Variants in ADAMTSL1 observed in about 807,000 individuals in gnomAD.
ADAMTSL1 encodes the protein ADAMTS-like protein 1.
In ADAMTSL1, 126 loss-of-function variants were observed where a neutral mutation model predicts 201.8. The ratio of observed to expected loss-of-function variants is 0.62; its 90% CI spans 0.54 to 0.72. The LOEUF is 0.72. ADAMTSL1 is among the 30% of genes least tolerant of loss of function. The pLI, the probability that ADAMTSL1 is intolerant of heterozygous loss-of-function variation, is 0.00. For synonymous variants in ADAMTSL1, 1,121 were observed against 903.4 expected (o/e 1.24, Z -4.32); for missense variants, 2,679 against 2,277.8 (o/e 1.18, Z -3.59).
chr9:18,248,752 A>G (rs1008532465), intron 2 of ADAMTSL1, among the ~76,000 whole-genome samples: 1 of 152,176 alleles, frequency 6.6e-6, no homozygotes, highest in African/African-American at 2.4e-5. Context: ...TTGTCACTAC[A>G]AAGAGATTCC....
chr9:18,263,320 C>T (rs1349613553), intron 2 of ADAMTSL1, among the ~76,000 whole-genome samples: 2 of 152,166 alleles, frequency 1.3e-5, no homozygotes, highest in Non-Finnish European at 2.9e-5. Context: ...GTCATCGTCT[C>T]CTAGAATTTT....
chr9:18,652,797 AACCAATTCCTT>A (rs1828379810), intron 7 of ADAMTSL1, among the ~76,000 whole-genome samples: 1 of 152,164 alleles, frequency 6.6e-6, no homozygotes, highest in Non-Finnish European at 1.5e-5. Flanking sequence ...GAGCATCTGT[AACCAATTCCTT>A]TATCCGCTGG....
At chr9:18,890,872 T>G (rs559847751) in intron 25 of ADAMTSL1, 1 of 287,802 alleles carries the variant, frequency 3.5e-6, no homozygotes, top group East Asian at 9.8e-5. Flanking sequence ...ATCTTTGATG[T>G]GCCAGGAACT....
chr9:17,923,397 G>T (rs1358914676), intron 1 of ADAMTSL1, among the ~76,000 whole-genome samples: 1 of 142,044 alleles, frequency 7.0e-6, no homozygotes, highest in African/African-American at 2.6e-5. Flanking sequence ...TATTCTCTTT[G>T]AAGCAATTGT....
intron 2 of ADAMTSL1, among the ~76,000 whole-genome samples, chr9:18,427,362 G>T (rs1213725940): frequency 6.6e-6 from 1 of 152,122 alleles, no homozygotes; most frequent in African/African-American, 2.4e-5. Context: ...CTGTATTTTT[G>T]AATGAAAGCC....
chr9:18,529,888 AT>A (rs1281018136), intron 2 of ADAMTSL1, among the ~76,000 whole-genome samples: 1 of 152,208 alleles, frequency 6.6e-6, no homozygotes, highest in Non-Finnish European at 1.5e-5. Flanking sequence ...TTCTTTGGAA[AT>A]TATGACAAGT....
intron 2 of ADAMTSL1, among the ~76,000 whole-genome samples, chr9:18,513,873 A>G (rs12002347): frequency 0.11 from 16,752 of 152,216 alleles, 1,025 homozygotes; most frequent in Middle Eastern, 0.15. Flanking sequence ...TTACACCAGT[A>G]CCATACTATT....
At chr9:18,433,387 G>T (rs550357051) in intron 2 of ADAMTSL1, among the ~76,000 whole-genome samples, 1 of 152,186 alleles carries the variant, frequency 6.6e-6, no homozygotes, top group East Asian at 1.9e-4. Context: ...CTCAGGCCTA[G>T]ATTGGATAAT....
chr9:17,990,540 G>A (rs111457568), intron 1 of ADAMTSL1, among the ~76,000 whole-genome samples: 2,893 of 151,822 alleles, frequency 0.019, 110 homozygotes, highest in African/African-American at 0.066. Context: ...TTTATGTATC[G>A]AAATATAAGT....
chr9:17,932,499 T>G (rs1826836321), intron 1 of ADAMTSL1, among the ~76,000 whole-genome samples: 1 of 152,180 alleles, frequency 6.6e-6, no homozygotes, highest in Admixed American at 6.5e-5. Context: ...AAAGTCTTAG[T>G]GGTAAACTCA....
intron 1 of ADAMTSL1, among the ~76,000 whole-genome samples, chr9:18,046,297 G>A (rs1024315128): frequency 2.6e-5 from 4 of 152,142 alleles, no homozygotes; most frequent in African/African-American, 7.2e-5. Flanking sequence ...TTTACCACAG[G>A]CCTTTTCTAG....
At position 17,925,824 on chromosome 9, in the gene ADAMTSL1, G is replaced by A. The variant is rs564934247; in HGVS notation, c.87+18902G>A. Among the ~76,000 whole-genome samples, 13 of 144,016 alleles carry A rather than the reference G, an allele frequency of 9.0e-5. No homozygotes were observed. The South Asian group carries it at 2.6e-3, about 29-fold the overall frequency. The allele number at this position is 144,016 out of a possible 152,430, so 94.5% of individuals were successfully genotyped here. ...TACGTATGTAACTAACCTGCACAAT[G>A]TGCACATGTACCCTAAAACTTAAAG... On this transcript the variant is annotated intron_variant, in intron 1 of 29. Transcript: ENST00000680146.
intron 1 of ADAMTSL1, among the ~76,000 whole-genome samples, chr9:18,047,086 TA>T (rs1412988028): frequency 1.3e-5 from 2 of 151,578 alleles, no homozygotes; most frequent in Non-Finnish European, 2.9e-5. Context: ...AGGGTGAAAA[TA>T]AAAATAAAAG....
At chr9:18,837,406 T>TTA (rs1333747143) in intron 23 of ADAMTSL1, among the ~76,000 whole-genome samples, 1 of 152,254 alleles carries the variant, frequency 6.6e-6, no homozygotes, top group Non-Finnish European at 1.5e-5. Context: ...TCAATTGTTC[T>TTA]TATATACGTG....
At chr9:18,693,397 A>G (rs1831355360) in intron 13 of ADAMTSL1, among the ~76,000 whole-genome samples, 1 of 152,260 alleles carries the variant, frequency 6.6e-6, no homozygotes, top group Admixed American at 6.5e-5. Flanking sequence ...TATAAGAAAT[A>G]TAAATGAATA....
intron 2 of ADAMTSL1, among the ~76,000 whole-genome samples, chr9:18,444,148 AC>A: frequency 6.6e-6 from 1 of 152,332 alleles, no homozygotes; most frequent in Admixed American, 6.5e-5. Context: ...AGCATGTGTG[AC>A]GATGGCTTCA....
chr9:18,790,191 C>A (rs1387236042), intron 19 of ADAMTSL1, among the ~76,000 whole-genome samples: 1 of 152,180 alleles, frequency 6.6e-6, no homozygotes, highest in African/African-American at 2.4e-5. Context: ...TCTATGAGAT[C>A]TTCGCAAGAA....
At chr9:18,619,070 G>A (rs963879471) in intron 4 of ADAMTSL1, among the ~76,000 whole-genome samples, 7 of 152,080 alleles carry the variant, frequency 4.6e-5, no homozygotes, top group Admixed American at 2.0e-4. Context: ...AGGATGAGTA[G>A]GAGTTTGCCA....
intron 13 of ADAMTSL1, among the ~76,000 whole-genome samples, chr9:18,691,123 A>G (rs899580527): frequency 5.9e-5 from 9 of 152,222 alleles, no homozygotes; most frequent in African/African-American, 2.2e-4. Flanking sequence ...TGATGTTTGG[A>G]TATCATATCA....
Sources: gnomAD v4.1 joint callset for allele counts (sites outside exome capture counted in the v4.1 genomes callset) on GRCh38, gnomAD v4.1.1 for gene constraint, MANE v1.5 for transcripts, NCBI Gene and HGNC (gene_info 2026-07-23, HGNC 2026-07-21) for gene names.